Variants in FBXO10 observed in about 807,000 individuals in gnomAD.
FBXO10 encodes the protein F-box only protein 10.
Under a neutral mutation model 80.7 loss-of-function variants are expected in FBXO10, and 39 were observed. The observed-to-expected ratio is 0.48, with a 90% CI of 0.37 to 0.63. The LOEUF (loss-of-function observed/expected upper bound fraction) is 0.63, where lower values mean the gene tolerates loss of function less well. Among genes scored for constraint, FBXO10 ranks in the 30% least tolerant of loss-of-function variants. The pLI, the probability that FBXO10 is intolerant of heterozygous loss-of-function variation, is 0.00. For missense variants in FBXO10, 1,025 were observed against 1,269.0 expected (o/e 0.81, Z 2.92); for synonymous variants, 449 against 489.6 (o/e 0.92, Z 1.09).
chr9:37,519,397 G>A (rs1007679343), intron 8 of FBXO10, among the ~76,000 whole-genome samples: 1 of 152,310 alleles, frequency 6.6e-6, no homozygotes, highest in East Asian at 1.9e-4. Flanking sequence ...TCCATGGCTT[G>A]TCAGGAAAAG....
Position 37,512,548 on chromosome 9 carries a change from C to A in FBXO10, c.2870G>T (p.Ter957LeuextTer80). ...SNRSVFCTIL* is the reference protein window; with the variant it reads ...SNRSVFCTILL The stretch of plus-strand genomic sequence containing the variant: ...TGGCCCTGAAGCAGGTCTGTGTCCT[C>A]ACAGGATGGTGCAGAAGACACTGCG... Residue 957 changes from the stop codon to leucine, a stop_lost, in exon 11 of 11, where the codon TGA becomes TTA. Transcript: ENST00000432825. 1 of 1,613,094 alleles carries A rather than the reference C, an allele frequency of 6.2e-7. No homozygotes were observed. The highest frequency in any genetic ancestry group is 8.5e-7 in the Non-Finnish European group (1 of 1,179,294).
intron 1 of FBXO10, among the ~76,000 whole-genome samples, chr9:37,564,262 T>C (rs1291939754): frequency 6.6e-6 from 1 of 152,240 alleles, no homozygotes; most frequent in Non-Finnish European, 1.5e-5. Context: ...AGAGCATGTA[T>C]GGAAACAGCT....
At chr9:37,562,617 C>T (rs993486695) in intron 1 of FBXO10, among the ~76,000 whole-genome samples, 3 of 152,174 alleles carry the variant, frequency 2.0e-5, no homozygotes, top group African/African-American at 4.8e-5. Flanking sequence ...CTATGCCTGG[C>T]GCATAGCAGG....
intron 1 of FBXO10, among the ~76,000 whole-genome samples, chr9:37,562,964 T>C (rs371760805): frequency 2.0e-4 from 30 of 148,598 alleles, no homozygotes; most frequent in African/African-American, 6.2e-4. Flanking sequence ...GTGCCTGATA[T>C]GGTTTGGCTG....
At chr9:37,557,036 G>A (rs938474857) in intron 1 of FBXO10, among the ~76,000 whole-genome samples, 2 of 152,024 alleles carry the variant, frequency 1.3e-5, no homozygotes, top group Non-Finnish European at 2.9e-5. Flanking sequence ...AACTATTCAG[G>A]GCAACAGAAA....
chr9:37,525,226 G>A, intron 5 of FBXO10, 54 bp from the exon 6 acceptor site: 2 of 1,482,854 alleles, frequency 1.3e-6, no homozygotes, highest in Non-Finnish European at 9.2e-7. Flanking sequence ...TCAATGTCAT[G>A]CTTCCAGGAG....
intron 1 of FBXO10, 81 bp from the exon 2 acceptor site, chr9:37,541,855 T>A (rs894305029): frequency 8.4e-7 from 1 of 1,194,576 alleles, no homozygotes; most frequent in East Asian, 2.5e-5. Flanking sequence ...TGAGATGGAG[T>A]TTCACTCTTC....
At chr9:37,564,275 A>G (rs1359397930) in intron 1 of FBXO10, among the ~76,000 whole-genome samples, 1 of 152,258 alleles carries the variant, frequency 6.6e-6, no homozygotes, top group Non-Finnish European at 1.5e-5. Flanking sequence ...AAACAGCTGG[A>G]TGTCCAGGAA....
chr9:37,550,158 T>C (rs1429448877), intron 1 of FBXO10, among the ~76,000 whole-genome samples: 1 of 149,558 alleles, frequency 6.7e-6, no homozygotes, highest in African/African-American at 2.5e-5. Flanking sequence ...TTTCTTTTTT[T>C]GTCGTCTCAG....
At position 37,518,418 on chromosome 9, in the gene FBXO10, T is replaced by G. The variant is rs1821241225; in HGVS notation, c.2221A>C (p.Ser741Arg). Residue 741 changes from serine to arginine, a missense_variant, in exon 9 of 11, where the codon AGC becomes CGC. This residue lies in a region of FBXO10 where 478 missense variants were observed against 667.8 expected (regional missense o/e 0.72). Coordinates refer to ENST00000432825, the MANE Select transcript of FBXO10 (RefSeq NM_012166.3). ...HNGASGLYVQ[S>R]SEALHVITNV... is the part of the protein sequence containing the mutation. ...GTGATGACATGCAGTGCCTCGCTGC[T>G]CTGGACATAGAGTCCTGAGGCTATG... The G allele has an allele frequency of 6.2e-7, 1 of 1,604,782 alleles. No homozygotes were observed. The highest frequency in any genetic ancestry group is 8.5e-7 in the Non-Finnish European group (1 of 1,174,678).
intron 10 of FBXO10, among the ~76,000 whole-genome samples, chr9:37,514,420 G>A (rs772826528): frequency 1.1e-4 from 17 of 152,044 alleles, no homozygotes; most frequent in Non-Finnish European, 2.2e-4. Flanking sequence ...TAATCTGCTG[G>A]GATATTGGAA....
chr9:37,547,911 G>A (rs977630613), intron 1 of FBXO10, among the ~76,000 whole-genome samples: 2 of 152,072 alleles, frequency 1.3e-5, no homozygotes, highest in Admixed American at 1.3e-4. Flanking sequence ...TAAGCTGATG[G>A]TGTCACTGCA....
intron 1 of FBXO10, among the ~76,000 whole-genome samples, chr9:37,561,588 T>C (rs1478523677): frequency 1.3e-5 from 2 of 152,148 alleles, no homozygotes; most frequent in African/African-American, 4.8e-5. Context: ...GCCTCTAAAC[T>C]GAGGCTGACA....
chr9:37,559,636 CAA>C (rs1822426937), intron 1 of FBXO10, among the ~76,000 whole-genome samples: 1 of 152,216 alleles, frequency 6.6e-6, no homozygotes, highest in African/African-American at 2.4e-5. Context: ...CTCCTGAGGT[CAA>C]ATGGGGCCAC....
intron 1 of FBXO10, among the ~76,000 whole-genome samples, chr9:37,542,044 G>A (rs1454533589): frequency 6.6e-6 from 1 of 151,766 alleles, no homozygotes; most frequent in Non-Finnish European, 1.5e-5. Context: ...GGTCAGGCTG[G>A]TCTCAAATTC....
chr9:37,518,865 T>C (rs959197626), intron 8 of FBXO10, among the ~76,000 whole-genome samples: 2 of 151,932 alleles, frequency 1.3e-5, no homozygotes, highest in African/African-American at 4.8e-5. Context: ...TTTGCTCTCC[T>C]TCCTACACTA....
intron 1 of FBXO10, among the ~76,000 whole-genome samples, chr9:37,550,108 T>C (rs1308410747): frequency 6.6e-6 from 1 of 150,914 alleles, no homozygotes; most frequent in African/African-American, 2.4e-5. Context: ...ACAGTACATA[T>C]AGGAAGAGCC....
chr9:37,541,216 T>A lies in FBXO10; in HGVS notation c.553A>T (p.Thr185Ser). 1 of 1,610,470 alleles carries A rather than the reference T, an allele frequency of 6.2e-7. No homozygotes were observed. Among genetic ancestry groups the A allele is most frequent in the Non-Finnish European group, 8.5e-7 (1 of 1,178,174 alleles). ...STTRLCNLVF[T>S]PAWFSPIMYK... ...ATGATGGGTGAGAACCAGGCTGGCG[T>A]GAAGACGAGGTTGCACAGGCGTGTG... Residue 185 changes from threonine to serine, a missense_variant, in exon 2 of 11, where the codon ACG (threonine) becomes TCG (serine). Transcript: ENST00000432825.
chr9:37,522,756 G>A, intron 7 of FBXO10, 69 bp downstream of exon 7: 1 of 1,521,162 alleles, frequency 6.6e-7, no homozygotes, highest in Non-Finnish European at 8.9e-7. Flanking sequence ...GACCTTCTCA[G>A]GACCCACAAG....
Sources: allele counts gnomAD v4.1 joint callset (sites outside exome capture counted in the v4.1 genomes callset), GRCh38; gene constraint gnomAD v4.1.1; regional missense constraint gnomAD v4.1.1; transcripts MANE v1.5; gene names NCBI Gene and HGNC (gene_info 2026-07-23, HGNC 2026-07-21).